PLXDC1: variants seen among roughly 807,000 people sequenced by gnomAD.
PLXDC1 encodes plexin domain-containing protein 1.
In PLXDC1, 39 loss-of-function variants were observed where a neutral mutation model predicts 61.3. The ratio of observed to expected loss-of-function variants is 0.64; its 90% confidence interval spans 0.49 to 0.83. The LOEUF (loss-of-function observed/expected upper bound fraction) is 0.83, where lower values mean the gene tolerates loss of function less well. PLXDC1 is among the 40% of genes least tolerant of loss of function. PLXDC1 has a pLI of 0.00. For synonymous variants in PLXDC1, 212 were observed against 254.5 expected (o/e 0.83, Z 1.59); for missense variants, 596 against 666.5 (o/e 0.89, Z 1.17).
At chr17:39,082,854 T>C (rs970550206) in intron 9 of PLXDC1, among the ~76,000 whole-genome samples, 1 of 152,224 alleles carries the variant, frequency 6.6e-6, no homozygotes, top group African/African-American at 2.4e-5. Flanking sequence ...AAGAACATTA[T>C]CACTGAAACT....
chr17:39,152,908 C>G, upstream of PLXDC1: 1 of 373,586 alleles, frequency 2.7e-6, no homozygotes, highest in Non-Finnish European at 4.7e-6. Flanking sequence ...CAGCCCTAAA[C>G]CCAATGTCCC....
chr17:39,088,943 GAAAAA>G (rs56714275), intron 7 of PLXDC1, among the ~76,000 whole-genome samples: 51 of 63,906 alleles, frequency 8.0e-4, no homozygotes, highest in African/African-American at 2.0e-3. Flanking sequence ...GAGCAAGACT[GAAAAA>G]AAAAAAAAAA....
At chr17:39,068,912 A>C (rs1909002338) in intron 13 of PLXDC1, among the ~76,000 whole-genome samples, 2 of 152,140 alleles carry the variant, frequency 1.3e-5, no homozygotes, top group African/African-American at 2.4e-5. Flanking sequence ...CTCTGTGGGG[A>C]ACTCGTAAGA....
At chr17:39,122,803 A>C (rs960429752) in intron 2 of PLXDC1, among the ~76,000 whole-genome samples, 4 of 152,248 alleles carry the variant, frequency 2.6e-5, no homozygotes. Context: ...TCAATAATCC[A>C]CATTTGTTTT....
chr17:39,152,209 C>T (rs1042093783), upstream of PLXDC1, among the ~76,000 whole-genome samples: 11 of 149,858 alleles, frequency 7.3e-5, no homozygotes, highest in African/African-American at 2.7e-4. Flanking sequence ...CACCGATTTG[C>T]CCCCCAAGCC....
chr17:39,152,779 AAAAAAG>A, upstream of PLXDC1: 90 of 885,160 alleles, frequency 1.0e-4, no homozygotes, highest in Non-Finnish European at 1.3e-4. Context: ...TTAAAAAAAA[AAAAAAG>A]AAAAGAAAAG....
chr17:39,072,733 A>G (rs1909173684), intron 11 of PLXDC1: 6 of 545,226 alleles, frequency 1.1e-5, no homozygotes, highest in Admixed American at 8.9e-5. Flanking sequence ...CTGGAGAGCA[A>G]TAGGAGGCCA....
intron 2 of PLXDC1, among the ~76,000 whole-genome samples, chr17:39,131,102 C>T (rs568959280): frequency 6.6e-6 from 1 of 152,234 alleles, no homozygotes; most frequent in African/African-American, 2.4e-5. Flanking sequence ...CTTAAATCAA[C>T]TCTGTGAGAT....
chr17:39,149,728 A>G (rs1000311639), intron 1 of PLXDC1, among the ~76,000 whole-genome samples: 6 of 151,650 alleles, frequency 4.0e-5, no homozygotes, highest in Non-Finnish European at 8.8e-5. Context: ...TCTGGCCACT[A>G]TCTCCCAGCC....
chr17:39,139,160 G>A (rs1433261739), intron 2 of PLXDC1, among the ~76,000 whole-genome samples: 2 of 152,180 alleles, frequency 1.3e-5, no homozygotes, highest in African/African-American at 4.8e-5. Context: ...GGCCAAGGAG[G>A]TTGTCTCCAG....
Position 39,125,206 on chromosome 17 carries a change from A to G in PLXDC1, c.255+14448T>C, listed in dbSNP as rs567918060. Among the ~76,000 whole-genome samples the G allele has an allele frequency of 2.1e-4, 32 of 152,324 alleles. 1 individual carries two copies. The South Asian group carries it at 6.6e-3, about 32-fold the overall frequency. On this transcript the variant is annotated intron_variant, in intron 2 of 13. Coordinates refer to ENST00000315392, the MANE Select transcript of PLXDC1 (RefSeq NM_020405.5). ...GGACATAGCCAAACCTCAGGTTGAAATAAACCCACACAGAACATTTGTCAT... is the reference window on the plus strand; with the variant it reads ...GGACATAGCCAAACCTCAGGTTGAAGTAAACCCACACAGAACATTTGTCAT...
intron 4 of PLXDC1, 71 bp downstream of exon 4, chr17:39,108,833 C>T: frequency 9.8e-7 from 1 of 1,018,740 alleles, no homozygotes; most frequent in African/African-American, 1.6e-5. Flanking sequence ...CAGTGAGCCA[C>T]CCCTGGGAGG....
chr17:39,079,062 C>T (rs759161093), intron 10 of PLXDC1, 42 bp downstream of exon 10: 4 of 1,554,464 alleles, frequency 2.6e-6, no homozygotes, highest in South Asian at 2.2e-5. Flanking sequence ...CTGTTCCCCA[C>T]CACCTGGCAC....
intron 2 of PLXDC1, among the ~76,000 whole-genome samples, chr17:39,127,850 C>T (rs543156269): frequency 2.3e-4 from 33 of 141,782 alleles, no homozygotes; most frequent in African/African-American, 8.2e-4. Context: ...CCCAGCTACT[C>T]GGGAGGCTGA....
At chr17:39,124,862 G>A (rs540062513) in intron 2 of PLXDC1, among the ~76,000 whole-genome samples, 52 of 152,278 alleles carry the variant, frequency 3.4e-4, no homozygotes, top group African/African-American at 1.2e-3. Flanking sequence ...TACCCAGGCT[G>A]GAGTGCAGTG....
At chr17:39,073,150 G>A (rs1909190738) in intron 11 of PLXDC1, 1 of 152,288 alleles carries the variant, frequency 6.6e-6, no homozygotes, top group East Asian at 1.9e-4. Flanking sequence ...CTGAACTCAA[G>A]TGATCCTCCC....
At chr17:39,148,282 C>T (rs2045353780) in intron 1 of PLXDC1, among the ~76,000 whole-genome samples, 1 of 152,194 alleles carries the variant, frequency 6.6e-6, no homozygotes, top group Non-Finnish European at 1.5e-5. Context: ...TAGCTCACTG[C>T]AGCCTCCAGT....
At position 39,105,903 on chromosome 17, in the gene PLXDC1, G is replaced by C; in HGVS notation, c.762C>G (p.Thr254=). ...GAATCATGAAGGCATCCGATAGGCC[G>C]GTTTTGACAGGATGCTGGGAGGAGC... ...EISSSQHPVK[T]GLSDAFMILN... The change falls in exon 7 of 14, where the codon ACC becomes ACG. Residue 254 remains threonine (T), a synonymous_variant. Coordinates refer to ENST00000315392, the MANE Select transcript of PLXDC1 (RefSeq NM_020405.5). 1.2e-6 allele frequency: 2 copies of C among 1,614,002 alleles called. No homozygotes were observed. The highest frequency in any genetic ancestry group is 1.1e-5 in the South Asian group (1 of 91,074).
At chr17:39,134,897 C>T in intron 2 of PLXDC1, among the ~76,000 whole-genome samples, 1 of 152,062 alleles carries the variant, frequency 6.6e-6, no homozygotes, top group Admixed American at 6.6e-5. Context: ...CAGCCCCAGT[C>T]CCCAGGTTTC....
Sources: allele counts gnomAD v4.1 joint callset (sites outside exome capture counted in the v4.1 genomes callset), GRCh38; gene constraint gnomAD v4.1.1; transcripts MANE v1.5; gene names NCBI Gene and HGNC (gene_info 2026-07-23, HGNC 2026-07-21).